PCP2: variants seen among roughly 807,000 people sequenced by gnomAD.
PCP2 encodes Purkinje cell protein 2 homolog.
In PCP2, 21 loss-of-function variants were observed where a neutral mutation model predicts 18.3. That is an observed-to-expected ratio of 1.14 (90% confidence interval 0.81 to 1.65). PCP2 has a LOEUF of 1.65. PCP2 is among the 40% of genes most tolerant of loss of function. The probability of loss-of-function intolerance (pLI) is 0.00; values close to 1 mark genes in which losing one functional copy is unlikely to be tolerated. For synonymous variants in PCP2, 85 were observed against 77.6 expected (o/e 1.10, Z -0.50); for missense variants, 202 against 201.8 (o/e 1.00, Z 0.00).
In PCP2 at chr19:7,632,897, C is replaced by A. The variant is rs2146197001; in HGVS notation, c.52-67G>T. ...GGGGCCCCTCCCCAAACTTCCTAGCCAGCTTGCTCACACCCTGACCCCGGG... is the reference window on the plus strand; with the variant it reads ...GGGGCCCCTCCCCAAACTTCCTAGCAAGCTTGCTCACACCCTGACCCCGGG... On this transcript the variant is annotated intron_variant, in intron 1 of 3. Coordinates refer to ENST00000311069, the MANE Select transcript of PCP2 (RefSeq NM_174895.3). The surrounding 1 kb of genome is among the most constrained non-coding windows in gnomAD (Gnocchi z 5.2). 2 of 1,525,704 alleles carry A rather than the reference C, an allele frequency of 1.3e-6. No individual in the cohort carries two copies. Among genetic ancestry groups the A allele is most frequent in the Admixed American group, 4.0e-5 (2 of 50,292 alleles). 94.5% of individuals were successfully genotyped at this position (1,525,704 alleles called of 1,614,324 possible). A position where few individuals can be genotyped will look rare whatever the true frequency, so the allele number is the denominator to read the frequency against.
At position 7,632,588 on chromosome 19, in the gene PCP2, C is replaced by A; in HGVS notation, c.167-71G>T. 1.9e-6 allele frequency: 3 copies of A among 1,598,060 alleles called. No individual in the cohort carries two copies. Among genetic ancestry groups the A allele is most frequent in the South Asian group, 1.1e-5 (1 of 90,514 alleles). On this transcript the variant is annotated intron_variant, in intron 2 of 3. Transcript: ENST00000311069. The surrounding 1 kb of genome is among the most constrained non-coding windows in gnomAD (Gnocchi z 5.2). Reference sequence around the variant, plus strand: ...GCCCCCAACCCTACCCCTTCACCCCCACACAGATGCTTCAGGGTGCACAAC... The same window carrying A: ...GCCCCCAACCCTACCCCTTCACCCCAACACAGATGCTTCAGGGTGCACAAC...
At chr19:7,631,877 G>A (rs2031325288) in intron 3 of PCP2, 69 bp from the exon 4 acceptor site, 1 of 1,353,816 alleles carries the variant, frequency 7.4e-7, no homozygotes, top group Non-Finnish European at 9.6e-7. Context: ...GGCGAACAAT[G>A]GAGAGAGGGT....
chr19:7,634,426 C>G (rs2031453219), upstream of PCP2, among the ~76,000 whole-genome samples: 1 of 152,244 alleles, frequency 6.6e-6, no homozygotes, highest in Non-Finnish European at 1.5e-5. Context: ...CACACTCTCT[C>G]CCTCTATGCC....
At chr19:7,636,040 G>T (rs1300949197), upstream of PCP2, among the ~76,000 whole-genome samples, 1 of 152,130 alleles carries the variant, frequency 6.6e-6, no homozygotes, top group East Asian at 1.9e-4. Flanking sequence ...GCCCTCGGGG[G>T]TCATCCTCAG....
chr19:7,633,060 G>A (rs1254289576), intron 1 of PCP2: 16 of 1,366,944 alleles, frequency 1.2e-5, no homozygotes, highest in South Asian at 3.0e-5. Flanking sequence ...GCCACTTCAC[G>A]TGGTACCGCT....
At chr19:7,633,948 C>T (rs553308902), upstream of PCP2, 1 of 154,546 alleles carries the variant, frequency 6.5e-6, no homozygotes, top group Non-Finnish European at 1.4e-5. Flanking sequence ...CCCTCCCTCT[C>T]TGCACCTGCC....
Position 7,632,997 on chromosome 19 carries a change from C to A in PCP2, c.52-167G>T. 7.0e-7 allele frequency: 1 copy of A among 1,424,030 alleles called. No individual in the cohort carries two copies. Among genetic ancestry groups the A allele is most frequent in the Non-Finnish European group, 9.2e-7 (1 of 1,091,282 alleles). The allele number at this position is 1,424,030 out of a possible 1,614,324, so 88.2% of individuals were successfully genotyped here. A position where few individuals can be genotyped will look rare whatever the true frequency, so the allele number is the denominator to read the frequency against. On this transcript the variant is annotated intron_variant, in intron 1 of 3. Coordinates refer to ENST00000311069, the MANE Select transcript of PCP2 (RefSeq NM_174895.3). The surrounding 1 kb of genome is among the most constrained non-coding windows in gnomAD (Gnocchi z 5.2). ...CTCTGCAGAGCTGTTCTGAATGAGA[C>A]ATGAGTCTCCTTCCCAATCCCGGCC...
chr19:7,633,379 G>C, intron 1 of PCP2, 28 bp downstream of exon 1: 2 of 1,552,946 alleles, frequency 1.3e-6, no homozygotes, highest in Non-Finnish European at 1.7e-6. Flanking sequence ...CTTGAGCTGG[G>C]GGTGGGGTGG....
chr19:7,636,805 T>C (rs1224750297), upstream of PCP2: 1 of 272,616 alleles, frequency 3.7e-6, no homozygotes, highest in Non-Finnish European at 6.9e-6. Context: ...GGGTGCCGTG[T>C]ATCTTGCAGG....
At chr19:7,634,526 G>A (rs568992838), upstream of PCP2, among the ~76,000 whole-genome samples, 11 of 152,304 alleles carry the variant, frequency 7.2e-5, no homozygotes, top group South Asian at 2.3e-3. Context: ...AAACACATAA[G>A]TTGACTTTTG....
Position 7,632,269 on chromosome 19 carries a change from G to T in PCP2, c.291+124C>A. On this transcript the variant is annotated intron_variant, in intron 3 of 3. Transcript: ENST00000311069. This position sits in a 1 kb window ranked among gnomAD's most constrained non-coding sequence, Gnocchi z 5.2. ...TGCCTGGGCCTTGGTCCTCCCATCT[G>T]AAGTCAGGGCAGCGGATGGACAGAG... is the stretch of plus-strand genomic sequence containing the variant. 7 of 1,438,662 alleles carry T rather than the reference G, an allele frequency of 4.9e-6. No homozygotes were observed. In the Admixed American group the frequency reaches 1.1e-4, roughly 23 times the overall value. The allele number at this position is 1,438,662 out of a possible 1,614,324, so 89.1% of individuals were successfully genotyped here.
rs754400088 is a variant in PCP2, at chr19:7,632,373, A to G, written c.291+20T>C. 3.7e-6 allele frequency: 6 copies of G among 1,613,320 alleles called. No individual in the cohort carries two copies. The highest frequency in any genetic ancestry group is 1.7e-5 in the Admixed American group (1 of 60,008). The stretch of plus-strand genomic sequence containing the variant: ...ACTGCCTGGCGGGTTTCTCCTCGAC[A>G]TCGCCAGAACATCACCTACCTTGGA... On this transcript the variant is annotated intron_variant, in intron 3 of 3. Transcript: ENST00000311069. This position sits in a 1 kb window ranked among gnomAD's most constrained non-coding sequence, Gnocchi z 5.2.
In PCP2 at chr19:7,632,228, G is replaced by A. The variant is rs1027720056; in HGVS notation, c.291+165C>T. 6.6e-6 allele frequency among the ~76,000 whole-genome samples: 1 copy of A among 152,160 alleles called. No individual in the cohort carries two copies. The highest frequency in any genetic ancestry group is 2.4e-5 in the African/African-American group (1 of 41,430). On this transcript the variant is annotated intron_variant, in intron 3 of 3. Coordinates refer to ENST00000311069, the MANE Select transcript of PCP2 (RefSeq NM_174895.3). The surrounding 1 kb of genome is among the most constrained non-coding windows in gnomAD (Gnocchi z 5.2). Reference sequence around the variant, plus strand: ...ACTAGCATGGCCCCTGTATAACCTTGGGCCCCTCTAGCCACTGCCTGGGCC... The same window carrying A: ...ACTAGCATGGCCCCTGTATAACCTTAGGCCCCTCTAGCCACTGCCTGGGCC...
In PCP2 at chr19:7,632,170, G is replaced by A. The variant is rs2031340998; in HGVS notation, c.291+223C>T. 1 of 700,586 alleles carries A rather than the reference G, an allele frequency of 1.4e-6. No homozygotes were observed. The highest frequency in any genetic ancestry group is 2.8e-5 in the East Asian group (1 of 35,694). 43.4% of individuals were successfully genotyped at this position (700,586 alleles called of 1,614,324 possible). ...CTCCCCAGAACCTTCAGACTTGGGGGCAGGAGCCACAAGTTCCAGCCATGG... is the reference window on the plus strand; with the variant it reads ...CTCCCCAGAACCTTCAGACTTGGGGACAGGAGCCACAAGTTCCAGCCATGG... On this transcript the variant is annotated intron_variant, in intron 3 of 3. Transcript: ENST00000311069. This position sits in a 1 kb window ranked among gnomAD's most constrained non-coding sequence, Gnocchi z 5.2.
Position 7,631,741 on chromosome 19 carries a change from G to A in PCP2, c.359C>T (p.Ala120Val). 1.4e-6 allele frequency: 2 copies of A among 1,448,334 alleles called. No individual in the cohort carries two copies. The highest frequency in any genetic ancestry group is 1.6e-5 in the South Asian group (1 of 63,810). The allele number at this position is 1,448,334 out of a possible 1,614,324, so 89.7% of individuals were successfully genotyped here. Residue 120 changes from alanine to valine, a missense_variant, in exon 4 of 4, where the codon GCT becomes GTT. Ala to Val is a moderately conservative substitution (Grantham distance 64). Coordinates refer to ENST00000311069, the MANE Select transcript of PCP2 (RefSeq NM_174895.3). ...GCTGCTGTTCCGACGGAAGCCGAGA[G>A]CGGTCGGGTCCTGAGGGGTGAGCAG... ...QPLLTPQDPT[A>V]LGFRRNSSPQ...
chr19:7,636,764 C>G (rs541437793), upstream of PCP2: 64 of 210,042 alleles, frequency 3.0e-4, no homozygotes, highest in African/African-American at 1.4e-3. Context: ...AGATCCCAGG[C>G]CCAGACAGTG....
rs1293022884 is a variant in PCP2, at chr19:7,633,432, TC to T, written c.25del (p.Glu9ArgfsTer22). 1 of 1,576,812 alleles carries T rather than the reference TC, an allele frequency of 6.3e-7. No individual in the cohort carries two copies. The highest frequency in any genetic ancestry group is 1.3e-5 in the African/African-American group (1 of 74,108). On this transcript the variant is annotated frameshift_variant, in exon 1 of 4. Coordinates refer to ENST00000311069, the MANE Select transcript of PCP2 (RefSeq NM_174895.3). LOFTEE classifies it high-confidence loss of function. MMDQEEKT[E>X]EGSGPCAEAG... ...CTCGGCACAGGGGCCTGAGCCTTCC[TC>T]CGTCTTCTCCTCCTGATCCATCATG...
At chr19:7,635,720 TGGG>T (rs1356642186), upstream of PCP2, among the ~76,000 whole-genome samples, 3 of 148,672 alleles carry the variant, frequency 2.0e-5, no homozygotes, top group Non-Finnish European at 4.5e-5. Flanking sequence ...CAAACAAAAA[TGGG>T]GAGGAGGGAG....
At chr19:7,634,883 T>A (rs919568971), upstream of PCP2, among the ~76,000 whole-genome samples, 5 of 152,152 alleles carry the variant, frequency 3.3e-5, no homozygotes, top group Admixed American at 6.5e-5. Context: ...CATGGCATTC[T>A]CCCTCTGTGT....
Sources: allele counts gnomAD v4.1 joint callset (sites outside exome capture counted in the v4.1 genomes callset), GRCh38; gene constraint gnomAD v4.1.1; non-coding constraint Gnocchi (gnomAD v3.1); transcripts MANE v1.5; gene names NCBI Gene and HGNC (gene_info 2026-07-23, HGNC 2026-07-21).